The following CSMD1 variants were observed in gnomAD, a reference collection of about 807,000 sequenced individuals.
The protein encoded by CSMD1 is CUB and sushi domain-containing protein 1.
A neutral mutation model predicts 417.5 loss-of-function variants in CSMD1; 213 were observed. The observed-to-expected ratio is 0.51, with a 90% CI of 0.46 to 0.57. The LOEUF is 0.57. CSMD1 is among the 20% of genes least tolerant of loss of function. The probability of loss-of-function intolerance (pLI) is 0.00; values close to 1 mark genes in which losing one functional copy is unlikely to be tolerated. For synonymous variants in CSMD1, 2,862 were observed against 1,736.8 expected (o/e 1.65, Z -16.11); for missense variants, 6,923 against 4,529.7 (o/e 1.53, Z -15.17).
At chr8:4,049,965 C>T (rs1311821959) in intron 3 of CSMD1, among the ~76,000 whole-genome samples, 1 of 152,168 alleles carries the variant, frequency 6.6e-6, no homozygotes, top group African/African-American at 2.4e-5. Flanking sequence ...TAGGTGTCTC[C>T]TGGCTGGGGC....
At chr8:4,885,781 T>C (rs1455342562) in intron 1 of CSMD1, among the ~76,000 whole-genome samples, 1 of 152,002 alleles carries the variant, frequency 6.6e-6, no homozygotes, top group African/African-American at 2.4e-5. Flanking sequence ...TGGTTTCCTT[T>C]CATGTGCAAA....
At chr8:3,257,151 A>G (rs1487072740) in intron 26 of CSMD1, among the ~76,000 whole-genome samples, 1 of 152,128 alleles carries the variant, frequency 6.6e-6, no homozygotes, top group African/African-American at 2.4e-5. Context: ...GTGAAACCCC[A>G]TCTCCGCTAA....
intron 5 of CSMD1, among the ~76,000 whole-genome samples, chr8:3,778,850 CA>C (rs1799029308): frequency 6.6e-6 from 1 of 152,146 alleles, no homozygotes; most frequent in Non-Finnish European, 1.5e-5. Context: ...ATTGAATACT[CA>C]GTTGAGAAAA....
intron 12 of CSMD1, among the ~76,000 whole-genome samples, chr8:3,466,853 A>C (rs983580497): frequency 6.6e-6 from 1 of 152,174 alleles, no homozygotes; most frequent in Non-Finnish European, 1.5e-5. Flanking sequence ...AGCTTAATAT[A>C]GTACTCTGGA....
At chr8:4,205,151 G>C (rs948371547) in intron 3 of CSMD1, among the ~76,000 whole-genome samples, 2 of 152,022 alleles carry the variant, frequency 1.3e-5, no homozygotes, top group Non-Finnish European at 1.5e-5. Context: ...GAATGAAATT[G>C]TTCTTAGAGA....
intron 7 of CSMD1, among the ~76,000 whole-genome samples, chr8:3,699,384 TACAAC>T (rs1162009746): frequency 6.6e-6 from 1 of 152,190 alleles, no homozygotes; most frequent in Admixed American, 6.5e-5. Flanking sequence ...CTTTTCTCCA[TACAAC>T]ACATAACATT....
At chr8:4,426,730 A>G (rs997995535) in intron 2 of CSMD1, among the ~76,000 whole-genome samples, 1 of 145,962 alleles carries the variant, frequency 6.9e-6, no homozygotes, top group Non-Finnish European at 1.5e-5. Context: ...TACTATATAC[A>G]TTTATTATAC....
intron 3 of CSMD1, among the ~76,000 whole-genome samples, chr8:4,077,703 CTTGT>C (rs1799907453): frequency 2.0e-5 from 3 of 152,112 alleles, no homozygotes; most frequent in Non-Finnish European, 2.9e-5. Context: ...GAGTTTAATT[CTTGT>C]TTCTTACCAT....
At chr8:3,909,339 C>T (rs1398220048) in intron 5 of CSMD1, among the ~76,000 whole-genome samples, 1 of 152,080 alleles carries the variant, frequency 6.6e-6, no homozygotes, top group Non-Finnish European at 1.5e-5. Context: ...GGCATCCTTG[C>T]TGGGAAATGC....
At chr8:4,499,503 C>A (rs1017131360) in intron 2 of CSMD1, among the ~76,000 whole-genome samples, 1 of 152,192 alleles carries the variant, frequency 6.6e-6, no homozygotes, top group African/African-American at 2.4e-5. Flanking sequence ...ACCAGCAAGA[C>A]TTTCAAGGAG....
At chr8:4,434,816 AC>A (rs1798063388) in intron 2 of CSMD1, among the ~76,000 whole-genome samples, 1 of 152,172 alleles carries the variant, frequency 6.6e-6, no homozygotes, top group South Asian at 2.1e-4. Context: ...GCCCTACTTC[AC>A]CAGGGCTCAA....
At chr8:4,206,003 T>C (rs965677463) in intron 3 of CSMD1, among the ~76,000 whole-genome samples, 11 of 152,184 alleles carry the variant, frequency 7.2e-5, no homozygotes, top group African/African-American at 2.7e-4. Context: ...TTTCTTTCTC[T>C]TTCTTCAGAA....
At chr8:3,565,170 C>CAAAAAAA (rs1799647390) in intron 10 of CSMD1, among the ~76,000 whole-genome samples, 1 of 86,326 alleles carries the variant, frequency 1.2e-5, no homozygotes, top group Non-Finnish European at 2.3e-5. Context: ...AGAGAGAGAT[C>CAAAAAAA]AAGAAAGAAA....
intron 6 of CSMD1, among the ~76,000 whole-genome samples, chr8:3,732,200 A>C (rs914789950): frequency 2.0e-4 from 31 of 152,180 alleles, no homozygotes; most frequent in African/African-American, 7.5e-4. Flanking sequence ...AGTCTTTCCG[A>C]GAGGACTCTA....
chr8:4,287,083 G>C (rs1052427222), intron 3 of CSMD1, among the ~76,000 whole-genome samples: 1 of 152,168 alleles, frequency 6.6e-6, no homozygotes, highest in Non-Finnish European at 1.5e-5. Context: ...GAACAAAAAA[G>C]AGTTTCAATC....
intron 5 of CSMD1, among the ~76,000 whole-genome samples, chr8:3,983,602 A>C (rs1457401009): frequency 6.6e-6 from 1 of 151,896 alleles, no homozygotes; most frequent in East Asian, 1.9e-4. Context: ...TTTTTCATAA[A>C]CCCCATTTAT....
At chr8:4,065,878 C>T (rs79461187) in intron 3 of CSMD1, among the ~76,000 whole-genome samples, 182 of 152,186 alleles carry the variant, frequency 1.2e-3, no homozygotes, top group Non-Finnish European at 2.3e-3. Flanking sequence ...CACTGTCTTC[C>T]ATAAGAAAGA....
At chr8:3,654,743 C>T (rs1798019668) in intron 7 of CSMD1, among the ~76,000 whole-genome samples, 1 of 152,284 alleles carries the variant, frequency 6.6e-6, no homozygotes, top group Admixed American at 6.5e-5. Flanking sequence ...ATGAAGTGCT[C>T]CAGGGCTTGA....
intron 5 of CSMD1, among the ~76,000 whole-genome samples, chr8:3,952,283 A>G (rs1811647497): frequency 1.3e-5 from 2 of 152,186 alleles, no homozygotes; most frequent in Non-Finnish European, 2.9e-5. Context: ...AAATACTTCT[A>G]GAGGCTACGC....
Sources: gnomAD v4.1 joint callset for allele counts (sites outside exome capture counted in the v4.1 genomes callset) on GRCh38, gnomAD v4.1.1 for gene constraint, MANE v1.5 for transcripts, NCBI Gene and HGNC (gene_info 2026-07-23, HGNC 2026-07-21) for gene names.